The following MYOM1 variants were observed in gnomAD, a reference collection of about 807,000 sequenced individuals.
The protein encoded by MYOM1 is myomesin-1.
MYOM1 carries 164 observed loss-of-function variants against 205.3 expected under a neutral mutation model. The observed-to-expected ratio is 0.80, with a 90% confidence interval of 0.70 to 0.91. MYOM1 has a LOEUF of 0.91. Ranked by LOEUF, MYOM1 falls within the 40% of genes least tolerant of loss-of-function variation. MYOM1 has a pLI of 0.00. For missense variants in MYOM1, 2,011 were observed against 2,127.3 expected, an observed-to-expected ratio of 0.95 and a Z score of 1.08; for synonymous variants, 772 against 789.4, an observed-to-expected ratio of 0.98 and a Z score of 0.37.
At chr18:3,106,172 T>C (rs925216274) in intron 22 of MYOM1, among the ~76,000 whole-genome samples, 2 of 152,234 alleles carry the variant, frequency 1.3e-5, no homozygotes, top group Non-Finnish European at 2.9e-5. Flanking sequence ...TATGTGCATA[T>C]GCTATGCCAT....
In MYOM1 at chr18:3,168,844, G is replaced by A; in HGVS notation, c.1312C>T (p.Gln438Ter). 2.5e-6 allele frequency: 4 copies of A among 1,613,860 alleles called. No homozygotes were observed. Among genetic ancestry groups the A allele is most frequent in the Non-Finnish European group, 1.7e-6 (2 of 1,179,850 alleles). ...VVITPEIKHF[Q>*]PEIQWYRNGV... The stretch of plus-strand genomic sequence containing the variant: ...TTTCTGTACCACTGGATCTCTGGCT[G>A]GAAATGTTTAATTTCAGGAGTGATG... Residue 438 changes from glutamine to a stop codon, truncating the protein, a stop_gained, in exon 9 of 38, where the codon CAG becomes TAG. Transcript: ENST00000356443. LOFTEE classifies it high-confidence loss of function.
chr18:3,139,909 A>C (rs2080024020), intron 14 of MYOM1, among the ~76,000 whole-genome samples: 1 of 152,192 alleles, frequency 6.6e-6, no homozygotes, highest in South Asian at 2.1e-4. Flanking sequence ...CAGAAGCCAA[A>C]GTTGACTCAT....
chr18:3,215,448 G>T (rs576558927), intron 1 of MYOM1, among the ~76,000 whole-genome samples, 197 bp from the exon 2 acceptor site: 1 of 151,890 alleles, frequency 6.6e-6, no homozygotes, highest in African/African-American at 2.4e-5. Context: ...TCTACAAAAA[G>T]AAAAAATTAG....
At chr18:3,108,584 C>G (rs1403408326) in intron 22 of MYOM1, among the ~76,000 whole-genome samples, 1 of 151,548 alleles carries the variant, frequency 6.6e-6, no homozygotes, top group Non-Finnish European at 1.5e-5. Context: ...TGCTCTGTCA[C>G]CCAGGCTGGA....
chr18:3,194,318 T>C (rs1398279972), intron 2 of MYOM1, among the ~76,000 whole-genome samples: 1 of 152,240 alleles, frequency 6.6e-6, no homozygotes, highest in Non-Finnish European at 1.5e-5. Flanking sequence ...TGATACATGG[T>C]GCATCCAAAT....
chr18:3,090,246 G>C (rs1204177501), intron 27 of MYOM1, among the ~76,000 whole-genome samples: 6 of 144,330 alleles, frequency 4.2e-5, no homozygotes, highest in Non-Finnish European at 9.0e-5. Flanking sequence ...TTGAGACAGG[G>C]TCTCACTCTG....
At chr18:3,208,626 T>C (rs2081155361) in intron 2 of MYOM1, among the ~76,000 whole-genome samples, 2 of 152,234 alleles carry the variant, frequency 1.3e-5, no homozygotes, top group South Asian at 2.1e-4. Flanking sequence ...CAGGAAATAA[T>C]GTGGCTCATC....
intron 2 of MYOM1, among the ~76,000 whole-genome samples, chr18:3,200,854 G>A (rs1373702595): frequency 6.6e-6 from 1 of 152,118 alleles, no homozygotes; most frequent in Non-Finnish European, 1.5e-5. Context: ...AAAATTTGAT[G>A]AAAATATTAA....
intron 10 of MYOM1, among the ~76,000 whole-genome samples, chr18:3,160,841 C>T (rs768478315): frequency 2.0e-5 from 3 of 152,164 alleles, no homozygotes; most frequent in African/African-American, 4.8e-5. Flanking sequence ...GGAACACCTT[C>T]GCCCCATCCA....
At chr18:3,129,575 C>T in intron 17 of MYOM1, 56 bp from the exon 18 acceptor site, 1 of 1,539,322 alleles carries the variant, frequency 6.5e-7, no homozygotes, top group Non-Finnish European at 8.8e-7. Context: ...GTATCAGCTG[C>T]TCTTATAGGA....
chr18:3,197,136 C>CTTT (rs34446814), intron 2 of MYOM1, among the ~76,000 whole-genome samples: 1 of 132,514 alleles, frequency 7.5e-6, no homozygotes, highest in East Asian at 2.1e-4. Context: ...CTCCAACTTC[C>CTTT]TTTTTTTTTT....
intron 36 of MYOM1, among the ~76,000 whole-genome samples, chr18:3,072,400 G>C (rs2078970255): frequency 2.3e-5 from 3 of 128,330 alleles, no homozygotes; most frequent in Non-Finnish European, 4.7e-5. Context: ...GTCACCCAGG[G>C]TGGAATGCAG....
rs2080236333 is a variant in MYOM1 at position 3,152,523 on chromosome 18, G to T, written c.1644-630C>A. Among the ~76,000 whole-genome samples the T allele has an allele frequency of 6.6e-6, 1 of 152,160 alleles. No homozygotes were observed. Among genetic ancestry groups the T allele is most frequent in the South Asian group, 2.1e-4 (1 of 4,832 alleles). ...GATTGAGTGGGTACTTGGAAACACT[G>T]ATTTCTAATTGAGTGCTTTTACAGC... On this transcript the variant is annotated intron_variant, in intron 11 of 37. Coordinates refer to ENST00000356443, the MANE Select transcript of MYOM1 (RefSeq NM_003803.4). The surrounding 1 kb of genome is among the most constrained non-coding windows in gnomAD (Gnocchi z 4.3).
In MYOM1 at chr18:3,116,410, A is replaced by G; in HGVS notation, c.3224T>C (p.Val1075Ala). Residue 1075 changes from valine to alanine, a missense_variant, in exon 21 of 38, where the codon GTG becomes GCG. Coordinates refer to ENST00000356443, the MANE Select transcript of MYOM1 (RefSeq NM_003803.4). ...TTTGGCCTTGGCCTCCTTCAAGTCC[A>G]CGAAGTAACCAGTGACCGGAGTCCG... ...SGRTPVTGYF[V>A]DLKEAKAKED... The G allele has an allele frequency of 6.2e-7, 1 of 1,613,782 alleles. No homozygotes were observed. The highest frequency in any genetic ancestry group is 1.1e-5 in the South Asian group (1 of 91,044).
At chr18:3,237,778 G>C in the MYOM1 span, among the ~76,000 whole-genome samples, 1 of 152,098 alleles carries the variant, frequency 6.6e-6, no homozygotes, top group Non-Finnish European at 1.5e-5. Context: ...GTAGAATGGT[G>C]GTTACTGGGG....
rs561012778 is a variant in MYOM1, at chr18:3,164,382, G to A, written c.1397C>T (p.Thr466Met). 156 of 1,611,492 alleles carry A rather than the reference G, an allele frequency of 9.7e-5. No individual in the cohort carries two copies. The South Asian group carries it at 1.3e-3, about 14-fold the overall frequency. The change falls in exon 10 of 38, where the codon ACG becomes ATG. Residue 466 changes from threonine (T) to methionine (M), a missense_variant. Transcript: ENST00000356443. The stretch of plus-strand genomic sequence containing the variant: ...TTTGTTGAGATGGGAAAATGTCAGC[G>A]TTGCCCGCTCTCCACTCCAAAGTGT... ...VQTLWSGERA[T>M]LTFSHLNKED...
chr18:3,201,729 G>A lies in MYOM1; in HGVS notation c.291-7771C>T, dbSNP rs772901056. 3.5e-4 allele frequency among the ~76,000 whole-genome samples: 52 copies of A among 148,794 alleles called. No homozygotes were observed. The Middle Eastern group carries it at 0.014, about 40-fold the overall frequency. On this transcript the variant is annotated intron_variant, in intron 2 of 37. Coordinates refer to ENST00000356443, the MANE Select transcript of MYOM1 (RefSeq NM_003803.4). ...ATGGCGTGGTCATAACTATAACCTC[G>A]ATCTCCCGGGCTCAAGCCATCCTCC...
At chr18:3,155,467 G>A (rs375412145) in intron 10 of MYOM1, among the ~76,000 whole-genome samples, 128 of 152,212 alleles carry the variant, frequency 8.4e-4, no homozygotes, top group South Asian at 2.3e-3. Flanking sequence ...CTTGTGATCC[G>A]CCCGCCTCGG....
upstream of MYOM1, among the ~76,000 whole-genome samples, chr18:3,222,474 GATA>G (rs2081336262): frequency 6.6e-6 from 1 of 152,134 alleles, no homozygotes; most frequent in South Asian, 2.1e-4. Context: ...ATGAATCAAT[GATA>G]ATATTTTAGT....
Sources: gnomAD v4.1 joint callset for allele counts (sites outside exome capture counted in the v4.1 genomes callset) on GRCh38, gnomAD v4.1.1 for gene constraint, Gnocchi (gnomAD v3.1) non-coding constraint, MANE v1.5 for transcripts, NCBI Gene and HGNC (gene_info 2026-07-23, HGNC 2026-07-21) for gene names.